Variants in CLNK observed in about 807,000 individuals in gnomAD.
CLNK encodes cytokine dependent hematopoietic cell linker.
In CLNK, 74 loss-of-function variants were observed where a neutral mutation model predicts 68.6. The ratio of observed to expected loss-of-function variants is 1.08; its 90% CI spans 0.89 to 1.31. CLNK has a LOEUF of 1.31. CLNK is among the 50% of genes most tolerant of loss of function. The pLI, the probability that CLNK is intolerant of heterozygous loss-of-function variation, is 0.00. For synonymous variants in CLNK, 198 were observed against 172.2 expected, an observed-to-expected ratio of 1.15 and a Z score of -1.17; for missense variants, 553 against 515.3, an observed-to-expected ratio of 1.07 and a Z score of -0.71.
chr4:10,541,898 C>A, intron 10 of CLNK, 124 bp downstream of exon 10: 1 of 707,132 alleles, frequency 1.4e-6, no homozygotes, highest in Non-Finnish European at 2.3e-6. Context: ...TTTTCCACAT[C>A]CGTCTCTCAC....
upstream of CLNK, among the ~76,000 whole-genome samples, chr4:10,687,792 C>T (rs1260715255): frequency 6.6e-6 from 1 of 152,144 alleles, no homozygotes; most frequent in African/African-American, 2.4e-5. Context: ...TAGAGGGACT[C>T]CCTTGCGTTC....
upstream of CLNK, among the ~76,000 whole-genome samples, chr4:10,688,677 A>G (rs182884403): frequency 6.6e-6 from 1 of 152,312 alleles, no homozygotes; most frequent in East Asian, 1.9e-4. Flanking sequence ...TAATGTATAA[A>G]ATGATAAAAT....
At chr4:10,725,129 C>T in the CLNK span, among the ~76,000 whole-genome samples, 207 of 152,224 alleles carry the variant, frequency 1.4e-3, no homozygotes, top group African/African-American at 4.8e-3. Context: ...AATGCCTCCC[C>T]AGGTCCCATA....
chr4:10,642,602 C>G (rs144278888), intron 2 of CLNK, among the ~76,000 whole-genome samples: 1 of 152,104 alleles, frequency 6.6e-6, no homozygotes, highest in African/African-American at 2.4e-5. Context: ...CATCTTGGAC[C>G]TGTATGCATG....
intron 1 of CLNK, among the ~76,000 whole-genome samples, chr4:10,669,779 T>C (rs1724555017): frequency 6.6e-6 from 1 of 152,140 alleles, no homozygotes. Flanking sequence ...GTCTTATGCT[T>C]GTAGGTCAAT....
intron 1 of CLNK, among the ~76,000 whole-genome samples, chr4:10,672,436 A>G (rs1305664622): frequency 2.0e-5 from 3 of 152,198 alleles, no homozygotes; most frequent in East Asian, 3.9e-4. Flanking sequence ...TAGGACTCTT[A>G]TGAAGATTAC....
chr4:10,656,777 G>T (rs73810359), intron 2 of CLNK, among the ~76,000 whole-genome samples: 15 of 152,070 alleles, frequency 9.9e-5, no homozygotes, highest in African/African-American at 3.4e-4. Flanking sequence ...AACAGCACTT[G>T]TATTAGCAAT....
intron 8 of CLNK, among the ~76,000 whole-genome samples, chr4:10,548,213 A>G (rs1377549781): frequency 1.3e-5 from 2 of 152,024 alleles, no homozygotes; most frequent in African/African-American, 4.8e-5. Context: ...GTGAGGTGAT[A>G]TTTCACTGTG....
At chr4:10,553,474 CAG>C (rs1221402698) in intron 8 of CLNK, among the ~76,000 whole-genome samples, 190 of 151,108 alleles carry the variant, frequency 1.3e-3, no homozygotes, top group African/African-American at 4.6e-3. Context: ...TTTTCTGATA[CAG>C]AGTCTTGCTC....
chr4:10,694,797 C>T, the CLNK span, among the ~76,000 whole-genome samples: 2 of 152,168 alleles, frequency 1.3e-5, no homozygotes, highest in Non-Finnish European at 2.9e-5. Flanking sequence ...AGAAGGAGAT[C>T]ATGCAGCATT....
intron 16 of CLNK, among the ~76,000 whole-genome samples, chr4:10,509,991 C>T (rs1034612802): frequency 1.6e-4 from 25 of 152,340 alleles, no homozygotes; most frequent in African/African-American, 5.8e-4. Flanking sequence ...CATGAGCTGT[C>T]TGAGCTTGAG....
chr4:10,665,910 T>C (rs1420192089), intron 2 of CLNK, among the ~76,000 whole-genome samples: 1 of 152,194 alleles, frequency 6.6e-6, no homozygotes, highest in Non-Finnish European at 1.5e-5. Context: ...AAAGCATCTT[T>C]GCAGATGTAG....
chr4:10,631,308 G>T (rs1022205781), intron 2 of CLNK, among the ~76,000 whole-genome samples: 1 of 152,106 alleles, frequency 6.6e-6, no homozygotes, highest in African/African-American at 2.4e-5. Flanking sequence ...TGCCTTCTGC[G>T]GGAAGTCATT....
At chr4:10,599,263 A>G (rs1721498068) in intron 2 of CLNK, among the ~76,000 whole-genome samples, 1 of 151,934 alleles carries the variant, frequency 6.6e-6, no homozygotes, top group South Asian at 2.1e-4. Flanking sequence ...AAACTAAAGA[A>G]CTCCAGGAAA....
intron 1 of CLNK, among the ~76,000 whole-genome samples, chr4:10,675,159 G>C (rs1277658001): frequency 2.0e-5 from 3 of 152,154 alleles, no homozygotes; most frequent in Non-Finnish European, 4.4e-5. Context: ...TGAAATAAAA[G>C]ATAATGGATT....
chr4:10,680,284 G>T (rs892995531), intron 1 of CLNK, among the ~76,000 whole-genome samples: 29 of 147,394 alleles, frequency 2.0e-4, no homozygotes, highest in Admixed American at 8.3e-4. Flanking sequence ...ACCAAACACC[G>T]CATGTTCTCA....
intron 1 of CLNK, among the ~76,000 whole-genome samples, chr4:10,673,734 A>G (rs1343457976): frequency 1.3e-5 from 2 of 151,668 alleles, no homozygotes; most frequent in Non-Finnish European, 2.9e-5. Context: ...AAAAAGAAGT[A>G]ACCCCAACTC....
chr4:10,680,614 T>A (rs552517930), intron 1 of CLNK, among the ~76,000 whole-genome samples: 10 of 152,288 alleles, frequency 6.6e-5, no homozygotes, highest in African/African-American at 2.4e-4. Context: ...ATGCTAAGAA[T>A]GATGATAATA....
intron 2 of CLNK, among the ~76,000 whole-genome samples, chr4:10,608,064 G>A (rs551130744): frequency 3.9e-5 from 6 of 152,286 alleles, no homozygotes; most frequent in African/African-American, 1.4e-4. Flanking sequence ...GGAGAGATGT[G>A]CATATGTAAC....
Sources: gnomAD v4.1 joint callset for allele counts (sites outside exome capture counted in the v4.1 genomes callset) on GRCh38, gnomAD v4.1.1 for gene constraint, MANE v1.5 for transcripts, NCBI Gene and HGNC (gene_info 2026-07-23, HGNC 2026-07-21) for gene names.